Variants in HOMER2 observed in about 807,000 individuals in gnomAD.
The protein encoded by HOMER2 is homer protein homolog 2.
A neutral mutation model predicts 47.0 loss-of-function variants in HOMER2; 27 were observed. The ratio of observed to expected loss-of-function variants is 0.57; its 90% CI spans 0.42 to 0.79. The LOEUF (loss-of-function observed/expected upper bound fraction) is 0.79. HOMER2 is among the 30% of genes least tolerant of loss of function. HOMER2 has a pLI of 0.00. For missense variants in HOMER2, 443 were observed against 435.0 expected (o/e 1.02, Z -0.16); for synonymous variants, 161 against 163.8 (o/e 0.98, Z 0.13).
chr15:82,865,275 G>T (rs2051928231), intron 3 of HOMER2, among the ~76,000 whole-genome samples: 1 of 152,164 alleles, frequency 6.6e-6, no homozygotes, highest in South Asian at 2.1e-4. Context: ...GGTCCAGCAG[G>T]GATGCACAAA....
intron 1 of HOMER2, among the ~76,000 whole-genome samples, chr15:82,960,897 A>G (rs1413389897): frequency 6.6e-6 from 1 of 152,184 alleles, no homozygotes; most frequent in African/African-American, 2.4e-5. Context: ...GCAGGAAGCT[A>G]CCTTCACCTC....
chr15:82,979,814 T>G (rs1371509157), intron 1 of HOMER2, among the ~76,000 whole-genome samples: 1 of 152,064 alleles, frequency 6.6e-6, no homozygotes, highest in Admixed American at 6.6e-5. Context: ...AAAGATGAAT[T>G]CCCATTTAGA....
chr15:82,865,303 T>A (rs2051929052), intron 3 of HOMER2, among the ~76,000 whole-genome samples: 1 of 152,232 alleles, frequency 6.6e-6, no homozygotes, highest in African/African-American at 2.4e-5. Context: ...TCACCTTTTC[T>A]TTTTGGGGAC....
intron 4 of HOMER2, among the ~76,000 whole-genome samples, chr15:82,863,195 C>A (rs1194273299): frequency 2.6e-5 from 4 of 151,970 alleles, no homozygotes; most frequent in Admixed American, 2.6e-4. Context: ...GCAACCCCCT[C>A]CCCGGGCTTC....
At chr15:82,958,189 T>C (rs562277186) in exon 2 of HOMER2, 4 of 152,166 alleles carry the variant, frequency 2.6e-5, no homozygotes, top group Non-Finnish European at 4.4e-5. Context: ...GTCTGTGTCC[T>C]TAAACAATAA....
chr15:82,843,893 C>T (rs58674364), exon 2 of HOMER2: 2 of 152,176 alleles, frequency 1.3e-5, no homozygotes, highest in East Asian at 3.9e-4. Flanking sequence ...CTGCAGTTAA[C>T]CAATTAACCC....
intron 1 of HOMER2, chr15:82,926,342 C>T (rs1165662357): frequency 6.7e-6 from 1 of 150,332 alleles, no homozygotes; most frequent in Non-Finnish European, 1.5e-5. Context: ...TCTCTCAGGC[C>T]TCTTTTATAA....
rs770879520 is a variant in HOMER2 at position 82,892,679 on chromosome 15, T to C, written c.162+6A>G. ...GGAGTATTAAAATCAGCTGAGGGGG[T>C]GGTACCTTGGCTCCGTCCACACTGA... On this transcript the variant is annotated splice_donor_region_variant and intron_variant, in intron 2 of 8. Coordinates refer to ENST00000450735, the MANE Select transcript of HOMER2 (RefSeq NM_004839.4). 1 of 1,523,948 alleles carries C rather than the reference T, an allele frequency of 6.6e-7. No individual in the cohort carries two copies. Among genetic ancestry groups the C allele is most frequent in the South Asian group, 1.3e-5 (1 of 78,064 alleles). The allele number at this position is 1,523,948 out of a possible 1,614,324, so 94.4% of individuals were successfully genotyped here. A position where few individuals can be genotyped will look rare whatever the true frequency, so the allele number is the denominator to read the frequency against.
intron 1 of HOMER2, among the ~76,000 whole-genome samples, chr15:82,911,938 G>A (rs2053465018): frequency 6.6e-6 from 1 of 152,278 alleles, no homozygotes; most frequent in South Asian, 2.1e-4. Flanking sequence ...GCTGAGGCAG[G>A]AGAATTGCTT....
intron 1 of HOMER2, among the ~76,000 whole-genome samples, chr15:82,968,378 C>T (rs1251186179): frequency 6.6e-6 from 1 of 152,178 alleles, no homozygotes; most frequent in African/African-American, 2.4e-5. Context: ...TATGGATTTG[C>T]CTATTCTGGA....
intron 1 of HOMER2, 22 bp from the exon 2 acceptor site, chr15:82,892,863 G>T (rs145054284): frequency 1.3e-6 from 2 of 1,497,258 alleles, no homozygotes; most frequent in African/African-American, 2.7e-5. Flanking sequence ...GAGTGGGCGT[G>T]TGAGTTGAGA....
intron 4 of HOMER2, among the ~76,000 whole-genome samples, chr15:82,859,405 TAA>T (rs2051700676): frequency 6.6e-6 from 1 of 152,108 alleles, no homozygotes; most frequent in African/African-American, 2.4e-5. Context: ...GTGGAGTTCA[TAA>T]AGTCTGTGTG....
chr15:82,862,624 A>G (rs2051830931), intron 4 of HOMER2, among the ~76,000 whole-genome samples: 1 of 152,236 alleles, frequency 6.6e-6, no homozygotes. Context: ...TCAGAGATTA[A>G]TCAAGTAATT....
intron 1 of HOMER2, among the ~76,000 whole-genome samples, chr15:82,895,387 G>A (rs1461672818): frequency 6.6e-6 from 1 of 152,182 alleles, no homozygotes; most frequent in African/African-American, 2.4e-5. Flanking sequence ...CCAGACGACA[G>A]GGAGTGTGTG....
chr15:82,899,526 C>G (rs995043003), intron 1 of HOMER2, among the ~76,000 whole-genome samples: 2 of 152,250 alleles, frequency 1.3e-5, no homozygotes, highest in Non-Finnish European at 2.9e-5. Context: ...ATCTAACTTA[C>G]AAGCATATTG....
intron 1 of HOMER2, among the ~76,000 whole-genome samples, chr15:82,980,814 C>T (rs1223166355): frequency 1.3e-5 from 2 of 152,134 alleles, no homozygotes; most frequent in Non-Finnish European, 2.9e-5. Context: ...CCCTAGTGAA[C>T]TTTGCCAGGG....
chr15:82,880,762 A>C (rs2052497225), intron 2 of HOMER2, among the ~76,000 whole-genome samples: 1 of 152,136 alleles, frequency 6.6e-6, no homozygotes, highest in African/African-American at 2.4e-5. Flanking sequence ...TGAGAAGTAA[A>C]GGGGTCACCG....
At chr15:82,866,745 G>A (rs964374396) in intron 3 of HOMER2, among the ~76,000 whole-genome samples, 2 of 152,112 alleles carry the variant, frequency 1.3e-5, no homozygotes, top group African/African-American at 4.8e-5. Context: ...CCTCCCATAA[G>A]CTCTTTTCTC....
At chr15:82,914,769 CG>C (rs1795831947) in intron 1 of HOMER2, among the ~76,000 whole-genome samples, 1 of 151,986 alleles carries the variant, frequency 6.6e-6, no homozygotes, top group South Asian at 2.1e-4. Context: ...CTGGTGAGGT[CG>C]GGGATGGCTT....
Sources: allele counts gnomAD v4.1 joint callset (sites outside exome capture counted in the v4.1 genomes callset), GRCh38; gene constraint gnomAD v4.1.1; transcripts MANE v1.5; gene names NCBI Gene and HGNC (gene_info 2026-07-23, HGNC 2026-07-21).